PTPN14: variants seen among roughly 807,000 people sequenced by gnomAD.
PTPN14 encodes the protein tyrosine-protein phosphatase non-receptor type 14.
Under a neutral mutation model 126.8 loss-of-function variants are expected in PTPN14, and 53 were observed. The observed-to-expected ratio is 0.42, with a 90% CI of 0.34 to 0.53. The LOEUF (loss-of-function observed/expected upper bound fraction) is 0.53. Among genes scored for constraint, PTPN14 ranks in the 20% least tolerant of loss-of-function variants. The pLI is 0.08. For synonymous variants in PTPN14, 630 were observed against 599.3 expected (o/e 1.05, Z -0.75); for missense variants, 1,257 against 1,552.9 (o/e 0.81, Z 3.20).
chr1:214,411,315 A>G (rs1436668695), intron 5 of PTPN14, among the ~76,000 whole-genome samples: 3 of 152,208 alleles, frequency 2.0e-5, no homozygotes, highest in Non-Finnish European at 4.4e-5. Context: ...GGAAAGGAAG[A>G]AGTAAAACTG....
chr1:214,544,895 A>G (rs545454164), intron 1 of PTPN14, among the ~76,000 whole-genome samples: 1 of 152,146 alleles, frequency 6.6e-6, no homozygotes, highest in Admixed American at 6.5e-5. Context: ...GAGAAAGAGA[A>G]AAGAAAGGAA....
intron 1 of PTPN14, among the ~76,000 whole-genome samples, chr1:214,501,894 T>TA (rs1443582005): frequency 1.3e-5 from 2 of 151,440 alleles, no homozygotes; most frequent in Non-Finnish European, 3.0e-5. Flanking sequence ...CCCGTCTCTA[T>TA]AAAAAATACA....
rs1657807238 is a variant in PTPN14 at position 214,355,870 on chromosome 1, A to G, written c.*2052T>C. On this transcript the variant is annotated 3_prime_UTR_variant, in exon 19 of 19. Transcript: ENST00000366956. ...AGCAGCAATGAAGAAAGGCATATGGAACTCTCACAGCAGTCAATTCTAAGA... is the reference window on the plus strand; with the variant it reads ...AGCAGCAATGAAGAAAGGCATATGGGACTCTCACAGCAGTCAATTCTAAGA... The G allele has an allele frequency of 6.6e-6, 1 of 152,140 alleles. No homozygotes were observed. Among genetic ancestry groups the G allele is most frequent in the Non-Finnish European group, 1.5e-5 (1 of 68,028 alleles). 9.4% of individuals were successfully genotyped at this position (152,140 alleles called of 1,614,324 possible). A position where few individuals can be genotyped will look rare whatever the true frequency, so the allele number is the denominator to read the frequency against.
chr1:214,377,173 T>C (rs1238102681), intron 14 of PTPN14, among the ~76,000 whole-genome samples: 3 of 152,248 alleles, frequency 2.0e-5, no homozygotes, highest in Non-Finnish European at 4.4e-5. Context: ...GGGGACAGCA[T>C]TTTTAAAGAA....
At position 214,397,908 on chromosome 1, in the gene PTPN14, A is replaced by G; in HGVS notation, c.758+5T>C. The G allele has an allele frequency of 1.9e-6, 3 of 1,582,184 alleles. No individual in the cohort carries two copies. Among genetic ancestry groups the G allele is most frequent in the Non-Finnish European group, 2.6e-6 (3 of 1,152,916 alleles). On this transcript the variant is annotated splice_donor_5th_base_variant and intron_variant, in intron 8 of 18. Transcript: ENST00000366956. ...GAAAAAAGAAAAACAAACAAATAAGACTACCTGTATATTACCGCTTGTCTT... is the reference window on the plus strand; with the variant it reads ...GAAAAAAGAAAAACAAACAAATAAGGCTACCTGTATATTACCGCTTGTCTT...
At chr1:214,469,720 A>C (rs1660711672) in intron 1 of PTPN14, among the ~76,000 whole-genome samples, 1 of 151,760 alleles carries the variant, frequency 6.6e-6, no homozygotes. Context: ...CCCTAATGGA[A>C]ACTATGGACT....
chr1:214,407,071 T>C (rs1659188510), intron 5 of PTPN14, among the ~76,000 whole-genome samples: 1 of 152,140 alleles, frequency 6.6e-6, no homozygotes, highest in South Asian at 2.1e-4. Flanking sequence ...TCTGAGACAT[T>C]AGAAATGTTG....
At chr1:214,410,061 T>C (rs1042856639) in intron 5 of PTPN14, among the ~76,000 whole-genome samples, 1 of 152,194 alleles carries the variant, frequency 6.6e-6, no homozygotes, top group Non-Finnish European at 1.5e-5. Flanking sequence ...ATCTGATGTA[T>C]AATTTGCAAA....
intron 13 of PTPN14, among the ~76,000 whole-genome samples, chr1:214,378,313 C>T (rs779264872): frequency 5.3e-5 from 8 of 152,132 alleles, no homozygotes; most frequent in Non-Finnish European, 1.0e-4. Flanking sequence ...TCTTAATTAA[C>T]TCCTTAGCTA....
intron 1 of PTPN14, among the ~76,000 whole-genome samples, chr1:214,538,479 A>G (rs1655761260): frequency 6.6e-6 from 1 of 152,236 alleles, no homozygotes; most frequent in Admixed American, 6.5e-5. Flanking sequence ...TCTGCTGTAT[A>G]AAAGGCCAAA....
At position 214,411,858 on chromosome 1, in the gene PTPN14, TCTCA is replaced by T. The variant is rs112609229; in HGVS notation, c.443-111_443-108del. On this transcript the variant is annotated intron_variant, in intron 4 of 18. Transcript: ENST00000366956. ...ATTATTCTTCACATTTCATCCTATT[TCTCA>T]CTATTATTAAATAAAAATAGTGCCA... is the stretch of plus-strand genomic sequence containing the variant. The T allele has an allele frequency of 6.0e-3, 3,544 of 589,424 alleles. 98 individuals carry two copies. Among genetic ancestry groups the T allele is most frequent in the African/African-American group, 0.057 (2,910 of 51,082 alleles). The allele number at this position is 589,424 out of a possible 1,614,324, so 36.5% of individuals were successfully genotyped here. A position where few individuals can be genotyped will look rare whatever the true frequency, so the allele number is the denominator to read the frequency against.
chr1:214,475,010 G>T (rs375319614), intron 1 of PTPN14, among the ~76,000 whole-genome samples: 20 of 152,232 alleles, frequency 1.3e-4, no homozygotes, highest in African/African-American at 4.6e-4. Flanking sequence ...AAAAAATCAC[G>T]AGGGTTTGGG....
Position 214,356,987 on chromosome 1 carries a change from C to T in PTPN14, c.*935G>A, listed in dbSNP as rs1343235947. On this transcript the variant is annotated 3_prime_UTR_variant, in exon 19 of 19. Coordinates refer to ENST00000366956, the MANE Select transcript of PTPN14 (RefSeq NM_005401.5). ...CCTGAAAAACACAATCCTCAAAGGC[C>T]CTGCCCAACTCCTTTCTCTTTCTAG... 6.6e-6 allele frequency: 1 copy of T among 152,302 alleles called. No homozygotes were observed. The highest frequency in any genetic ancestry group is 1.5e-5 in the Non-Finnish European group (1 of 68,178). The allele number at this position is 152,302 out of a possible 1,614,324, so 9.4% of individuals were successfully genotyped here.
At chr1:214,530,981 A>C (rs1571650639) in intron 1 of PTPN14, 1 of 152,268 alleles carries the variant, frequency 6.6e-6, no homozygotes, top group Non-Finnish European at 1.5e-5. Context: ...TCAAATATTT[A>C]CCTCCTAAAA....
rs1172707658 is a variant in PTPN14, at chr1:214,384,157, T to C, written c.1698A>G (p.Pro566=). 3.8e-6 allele frequency: 6 copies of C among 1,581,596 alleles called. No homozygotes were observed. The highest frequency in any genetic ancestry group is 5.1e-6 in the Non-Finnish European group (6 of 1,165,592). ...GTCGTGGCCGTGGGTAGGGGGGCGG[T>C]GGCCTGAAGAGATAGTTCTTAAGCA... ...AHMLKNYLFR[P]PPPYPRPRPA... is the part of the protein sequence containing the mutation. The change falls in exon 13 of 19, where the codon CCA becomes CCG. Residue 566 remains proline (P), a synonymous_variant. Coordinates refer to ENST00000366956, the MANE Select transcript of PTPN14 (RefSeq NM_005401.5). The surrounding 1 kb of genome is among the most constrained non-coding windows in gnomAD (Gnocchi z 5.3).
intron 1 of PTPN14, among the ~76,000 whole-genome samples, chr1:214,509,565 T>G (rs1195325583): frequency 6.6e-6 from 1 of 152,260 alleles, no homozygotes. Context: ...GCACATGTTA[T>G]CATTCATGTG....
At chr1:214,367,150 G>A (rs1160035229) in intron 17 of PTPN14, among the ~76,000 whole-genome samples, 3 of 152,028 alleles carry the variant, frequency 2.0e-5, no homozygotes, top group Non-Finnish European at 4.4e-5. Context: ...TCCCTTTTTT[G>A]CTTCTTGGAG....
chr1:214,520,089 A>C (rs1271283399), intron 1 of PTPN14, among the ~76,000 whole-genome samples: 3 of 131,434 alleles, frequency 2.3e-5, no homozygotes, highest in African/African-American at 6.3e-5. Context: ...TATATGCAGA[A>C]TATATGCAGA....
chr1:214,549,726 C>T (rs1656058496), intron 1 of PTPN14, among the ~76,000 whole-genome samples: 1 of 152,160 alleles, frequency 6.6e-6, no homozygotes, highest in Non-Finnish European at 1.5e-5. Flanking sequence ...TGAAACCGAG[C>T]ATGGGCCAAT....
Sources: allele counts gnomAD v4.1 joint callset (sites outside exome capture counted in the v4.1 genomes callset), GRCh38; gene constraint gnomAD v4.1.1; non-coding constraint Gnocchi (gnomAD v3.1); transcripts MANE v1.5; gene names NCBI Gene and HGNC (gene_info 2026-07-23, HGNC 2026-07-21).